ABCA13: variants seen among roughly 807,000 people sequenced by gnomAD.
ABCA13 encodes ATP-binding cassette sub-family A member 13.
ABCA13 carries 476 observed loss-of-function variants against 478.7 expected under a neutral mutation model. The ratio of observed to expected loss-of-function variants is 0.99; its 90% confidence interval spans 0.92 to 1.07. The LOEUF is 1.07. ABCA13 is among the 50% of genes least tolerant of loss of function. The pLI, the probability that ABCA13 is intolerant of heterozygous loss-of-function variation, is 0.00. For synonymous variants in ABCA13, 2,252 were observed against 2,158.9 expected (o/e 1.04, Z -1.20); for missense variants, 6,060 against 5,910.6 (o/e 1.03, Z -0.83).
intron 35 of ABCA13, among the ~76,000 whole-genome samples, chr7:48,379,226 A>C (rs1813966142): frequency 6.6e-6 from 1 of 152,248 alleles, no homozygotes; most frequent in Non-Finnish European, 1.5e-5. Flanking sequence ...GCATATTCTT[A>C]AATTGCACAA....
intron 23 of ABCA13, among the ~76,000 whole-genome samples, chr7:48,304,822 C>T (rs1371826509): frequency 2.0e-5 from 3 of 152,208 alleles, no homozygotes; most frequent in Non-Finnish European, 2.9e-5. Context: ...CCTTACTGGG[C>T]AAGGACACCA....
rs771704518 is a variant in ABCA13, at chr7:48,489,281, A to C, written c.13228A>C (p.Asn4410His). The part of the protein sequence containing the change: ...KGFHSLPSYL[N>H]HLNNLILWQH... ...TTTTCATTCCCTACCTTCCTACTTAAATCATCTAAACAACCTTATTTTGTG... is the reference window on the plus strand; with the variant it reads ...TTTTCATTCCCTACCTTCCTACTTACATCATCTAAACAACCTTATTTTGTG... Residue 4410 changes from asparagine to histidine, a missense_variant, in exon 48 of 62, where the codon AAT becomes CAT. By Grantham distance (68) the Asn-to-His change is moderately conservative. Around this residue, in one of 3 missense-constraint regions of ABCA13, gnomAD observed 1,627 missense variants for 1,571.0 expected, o/e 1.04. Coordinates refer to ENST00000435803, the MANE Select transcript of ABCA13 (RefSeq NM_152701.5). 7.4e-6 allele frequency: 12 copies of C among 1,612,962 alleles called. No individual in the cohort carries two copies. In the East Asian group the frequency reaches 2.5e-4, roughly 33 times the overall value.
chr7:48,317,261 C>T lies in ABCA13; in HGVS notation c.9964C>T (p.Pro3322Ser), dbSNP rs1295032422. ...PILHGKILYT[P>S]NTPEINKVIQ... is the part of the protein sequence containing the mutation. Reference sequence around the variant, plus strand: ...ATTGCATGGAAAAATACTATACACACCAAACACTCCAGAAATTAACAAGGT... The same window carrying T: ...ATTGCATGGAAAAATACTATACACATCAAACACTCCAGAAATTAACAAGGT... Residue 3322 changes from proline (P) to serine (S), a missense_variant, in exon 27 of 62, where the codon CCA (proline) becomes TCA (serine). Pro to Ser is a moderately conservative substitution (Grantham distance 74). This residue lies in a region of ABCA13 where 4,423 missense variants were observed against 4,309.1 expected (regional missense o/e 1.03). Transcript: ENST00000435803. The T allele has an allele frequency of 6.2e-7, 1 of 1,613,330 alleles. No individual in the cohort carries two copies. Among genetic ancestry groups the T allele is most frequent in the Non-Finnish European group, 8.5e-7 (1 of 1,179,734 alleles).
At chr7:48,359,724 C>T (rs558173710) in intron 31 of ABCA13, among the ~76,000 whole-genome samples, 4 of 152,092 alleles carry the variant, frequency 2.6e-5, no homozygotes, top group African/African-American at 7.3e-5. Context: ...CAAAGTCCTA[C>T]ATCCTGAGAA....
chr7:48,618,865 G>A (rs954531843), intron 59 of ABCA13, among the ~76,000 whole-genome samples: 4 of 152,190 alleles, frequency 2.6e-5, no homozygotes, highest in Non-Finnish European at 5.9e-5. Context: ...TTATTTGCAA[G>A]TTGTTTACTA....
Position 48,278,355 on chromosome 7 carries a change from A to G in ABCA13, c.7161A>G (p.Thr2387=), listed in dbSNP as rs1796576983. 1 of 1,613,554 alleles carries G rather than the reference A, an allele frequency of 6.2e-7. No individual in the cohort carries two copies. Among genetic ancestry groups the G allele is most frequent in the Non-Finnish European group, 8.5e-7 (1 of 1,179,740 alleles). The change falls in exon 18 of 62, where the codon ACA becomes ACG. Residue 2387 remains threonine (T), a synonymous_variant. Transcript: ENST00000435803. The part of the protein sequence containing the change: ...NKTENNIDFF[T]VVSQLFFHVN... The stretch of plus-strand genomic sequence containing the variant: ...CTGAAAATAATATAGACTTTTTCAC[A>G]GTGGTGAGTCAGTTGTTTTTCCATG...
At chr7:48,237,045 G>A (rs1399586169) in intron 8 of ABCA13, among the ~76,000 whole-genome samples, 1 of 145,698 alleles carries the variant, frequency 6.9e-6, no homozygotes, top group Non-Finnish European at 1.5e-5. Flanking sequence ...GGATAATTTG[G>A]TGGGCAGGGG....
chr7:48,510,993 G>T, intron 50 of ABCA13, 91 bp from the exon 51 acceptor site: 1 of 1,041,308 alleles, frequency 9.6e-7, no homozygotes, highest in Non-Finnish European at 1.5e-6. Flanking sequence ...ATATATTTGT[G>T]AAGTTGAAAG....
At chr7:48,185,252 G>C (rs1262868278) in intron 1 of ABCA13, among the ~76,000 whole-genome samples, 1 of 152,098 alleles carries the variant, frequency 6.6e-6, no homozygotes, top group Non-Finnish European at 1.5e-5. Context: ...TCTGTTGCTA[G>C]GCTCTTCCAC....
intron 39 of ABCA13, among the ~76,000 whole-genome samples, chr7:48,404,845 C>A (rs776800235): frequency 9.2e-5 from 14 of 152,184 alleles, no homozygotes; most frequent in African/African-American, 2.4e-5. Flanking sequence ...GAAGATCAAT[C>A]TGTTTCTTTC....
Position 48,273,902 on chromosome 7 carries a change from T to G in ABCA13, c.4236T>G (p.Phe1412Leu). The stretch of plus-strand genomic sequence containing the variant: ...TGTATTTGTTGTCTAACTCCAGTTT[T>G]TCACAAGGTCATCTTCAAAATATTT... ...NHLYLLSNSSFSQGHLQNILG... is the reference protein window; with the variant it reads ...NHLYLLSNSSLSQGHLQNILG... The change falls in exon 17 of 62, where the codon TTT (phenylalanine) becomes TTG (leucine). Residue 1412 changes from phenylalanine to leucine, a missense_variant. By Grantham distance (22) the Phe-to-Leu change is conservative. Transcript: ENST00000435803. The G allele has an allele frequency of 5.0e-6, 8 of 1,612,990 alleles. No homozygotes were observed. The highest frequency in any genetic ancestry group is 6.8e-6 in the Non-Finnish European group (8 of 1,179,382).
At position 48,391,939 on chromosome 7, in the gene ABCA13, C is replaced by T. The variant is rs1244731317; in HGVS notation, c.11673C>T (p.Leu3891=). 4 of 1,613,856 alleles carry T rather than the reference C, an allele frequency of 2.5e-6. No individual in the cohort carries two copies. The highest frequency in any genetic ancestry group is 1.3e-5 in the African/African-American group (1 of 75,030). Residue 3891 remains leucine, a synonymous_variant, in exon 38 of 62, where the codon CTC becomes CTT. Coordinates refer to ENST00000435803, the MANE Select transcript of ABCA13 (RefSeq NM_152701.5). ...KTTIISMLTG[L]HPPTSGTIII... ...CTGGCAGATCCATGTTGACGGGGCT[C>T]CACCCTCCCACTTCTGGAACCATCA...
chr7:48,537,485 G>A (rs139248380), intron 55 of ABCA13, among the ~76,000 whole-genome samples: 17 of 152,254 alleles, frequency 1.1e-4, no homozygotes, highest in African/African-American at 3.4e-4. Context: ...GAGCAATGGC[G>A]AGAGCACACC....
intron 27 of ABCA13, among the ~76,000 whole-genome samples, chr7:48,334,126 CGT>C (rs1463968064): frequency 1.3e-5 from 2 of 151,876 alleles, no homozygotes; most frequent in Admixed American, 6.6e-5. Flanking sequence ...TGTGTGTGTA[CGT>C]GTGTGTGTGT....
In ABCA13 at chr7:48,274,663, T is replaced by C. The variant is rs1160591961; in HGVS notation, c.4997T>C (p.Val1666Ala). 2 of 1,613,876 alleles carry C rather than the reference T, an allele frequency of 1.2e-6. No homozygotes were observed. The highest frequency in any genetic ancestry group is 1.7e-6 in the Non-Finnish European group (2 of 1,179,862). The change falls in exon 17 of 62, where the codon GTC becomes GCC. Residue 1666 changes from valine (V) to alanine (A), a missense_variant. Around this residue, in one of 3 missense-constraint regions of ABCA13, gnomAD observed 4,423 missense variants for 4,309.1 expected, o/e 1.03. Transcript: ENST00000435803. The stretch of plus-strand genomic sequence containing the variant: ...CAAGCTTTGAAGAAGGTAACTTCTG[T>C]CATGCGTACCCTTAAGAAGGCAGAC... The part of the protein sequence containing the change: ...YMQALKKVTS[V>A]MRTLKKADID...
intron 38 of ABCA13, 127 bp downstream of exon 38, chr7:48,392,266 G>T (rs1816189557): frequency 1.5e-5 from 14 of 904,320 alleles, no homozygotes; most frequent in Non-Finnish European, 2.3e-5. Flanking sequence ...ATTAGCAAAT[G>T]GTTGTTAACT....
At chr7:48,603,743 TA>T in intron 58 of ABCA13, 1 of 163,484 alleles carries the variant, frequency 6.1e-6, no homozygotes, top group South Asian at 1.5e-4. Flanking sequence ...GCTGGCCTCA[TA>T]AAATGAGTTA....
chr7:48,300,232 G>A (rs998492566), intron 23 of ABCA13, among the ~76,000 whole-genome samples: 18 of 152,304 alleles, frequency 1.2e-4, no homozygotes, highest in Admixed American at 5.2e-4. Context: ...TCTTAGTCCA[G>A]GCTGTTGGTG....
chr7:48,264,379 T>G (rs1794600555), intron 15 of ABCA13, among the ~76,000 whole-genome samples: 1 of 151,930 alleles, frequency 6.6e-6, no homozygotes, highest in African/African-American at 2.4e-5. Context: ...AAAGTCATTG[T>G]ACCCTTTTAC....
Sources: gnomAD v4.1 joint callset for allele counts (sites outside exome capture counted in the v4.1 genomes callset) on GRCh38, gnomAD v4.1.1 for gene constraint, gnomAD v4.1.1 regional missense constraint, MANE v1.5 for transcripts, NCBI Gene and HGNC (gene_info 2026-07-23, HGNC 2026-07-21) for gene names.